Variants in ITM2C observed in about 807,000 individuals in gnomAD.
The protein encoded by ITM2C is integral membrane protein 2C.
A neutral mutation model predicts 30.0 loss-of-function variants in ITM2C; 20 were observed. That is an observed-to-expected ratio of 0.67 (90% CI 0.47 to 0.97). The LOEUF (loss-of-function observed/expected upper bound fraction) is 0.97, where lower values mean the gene tolerates loss of function less well. Ranked by LOEUF, ITM2C falls within the 50% of genes least tolerant of loss-of-function variation. The pLI, the probability that ITM2C is intolerant of heterozygous loss-of-function variation, is 0.00. For missense variants in ITM2C, 366 were observed against 371.9 expected (o/e 0.98, Z 0.13); for synonymous variants, 167 against 156.4 (o/e 1.07, Z -0.51).
chr2:230,873,451 G>C lies in ITM2C; in HGVS notation c.155G>C (p.Gly52Ala). 1 of 1,606,938 alleles carries C rather than the reference G, an allele frequency of 6.2e-7. No individual in the cohort carries two copies. The highest frequency in any genetic ancestry group is 8.5e-7 in the Non-Finnish European group (1 of 1,176,788). ...EQPPQHRSKR[G>A]GSVGGVCYLS... ...CCCCCACAACATCGATCCAAGAGGGGGGGCTCAGTGGGCGGCGTGTGCTAC... is the reference window on the plus strand; with the variant it reads ...CCCCCACAACATCGATCCAAGAGGGCGGGCTCAGTGGGCGGCGTGTGCTAC... The change falls in exon 2 of 6, where the codon GGG becomes GCG. Residue 52 changes from glycine (G) to alanine (A), a missense_variant. Physicochemically the swap from Gly to Ala is moderately conservative, Grantham distance 60. Coordinates refer to ENST00000326427, the MANE Select transcript of ITM2C (RefSeq NM_030926.6).
Position 230,875,606 on chromosome 2 carries a change from T to C in ITM2C, c.262-14T>C. ...GCCTCTCTGACTGTCTGTCTGTCTC[T>C]CCGCCTTGCTCAGCTGGCCCGAGAT... On this transcript the variant is annotated splice_polypyrimidine_tract_variant and intron_variant, in intron 2 of 5. Transcript: ENST00000326427. The C allele has an allele frequency of 2.5e-6, 4 of 1,585,094 alleles. No homozygotes were observed. The highest frequency in any genetic ancestry group is 1.3e-5 in the African/African-American group (1 of 74,614).
chr2:230,877,670 CA>C lies in ITM2C; in HGVS notation c.712+121del. ...CAGCAGCAATAACAGCTAGCATTAG[CA>C]GAGCACTTCCGTGTGCCGGGCAATG... On this transcript the variant is annotated intron_variant, in intron 5 of 5. Coordinates refer to ENST00000326427, the MANE Select transcript of ITM2C (RefSeq NM_030926.6). The surrounding 1 kb of genome is among the most constrained non-coding windows in gnomAD (Gnocchi z 4.8). 1 of 1,065,606 alleles carries C rather than the reference CA, an allele frequency of 9.4e-7. No individual in the cohort carries two copies. The highest frequency in any genetic ancestry group is 2.1e-5 in the Admixed American group (1 of 47,314). 66.0% of individuals were successfully genotyped at this position (1,065,606 alleles called of 1,614,324 possible).
intron 1 of ITM2C, among the ~76,000 whole-genome samples, chr2:230,871,307 C>G (rs920332373): frequency 1.3e-5 from 2 of 152,278 alleles, no homozygotes; most frequent in African/African-American, 4.8e-5. Flanking sequence ...AAGACCTGCT[C>G]AGGAGCGCCA....
upstream of ITM2C, chr2:230,864,915 G>T: frequency 1.6e-6 from 2 of 1,229,774 alleles, no homozygotes; most frequent in Non-Finnish European, 2.1e-6. The surrounding 1 kb of genome is among the most constrained non-coding windows in gnomAD (Gnocchi z 4.3). Context: ...TAGAGAGAGG[G>T]ACGCGAGCGG....
intron 1 of ITM2C, among the ~76,000 whole-genome samples, chr2:230,866,062 T>G (rs537007614): frequency 6.6e-6 from 1 of 152,118 alleles, no homozygotes; most frequent in South Asian, 2.1e-4. Flanking sequence ...CTGAGCTGCG[T>G]GCCTTGTGTC....
At position 230,877,027 on chromosome 2, in the gene ITM2C, A is replaced by G. The variant is rs1697320017; in HGVS notation, c.561+60A>G. 7 of 1,179,772 alleles carry G rather than the reference A, an allele frequency of 5.9e-6. No individual in the cohort carries two copies. Among genetic ancestry groups the G allele is most frequent in the South Asian group, 4.9e-5 (4 of 81,284 alleles). 73.1% of individuals were successfully genotyped at this position (1,179,772 alleles called of 1,614,324 possible). ...CTGTCCCTCCCTTGCCCCCTGTCTC[A>G]TGGAGGCTAGGTCTGAGGTACAGGA... On this transcript the variant is annotated intron_variant, in intron 4 of 5. Transcript: ENST00000326427. This position sits in a 1 kb window ranked among gnomAD's most constrained non-coding sequence, Gnocchi z 4.8.
chr2:230,878,008 G>A lies in ITM2C; in HGVS notation c.713G>A (p.Arg238Gln), dbSNP rs761531955. 33 of 1,612,446 alleles carry A rather than the reference G, an allele frequency of 2.0e-5. No homozygotes were observed. The highest frequency in any genetic ancestry group is 5.3e-5 in the African/African-American group (4 of 74,894). Residue 238 changes from arginine to glutamine, a missense_variant and splice_region_variant, in exon 6 of 6, where the codon CGG becomes CAG. Coordinates refer to ENST00000326427, the MANE Select transcript of ITM2C (RefSeq NM_030926.6). This position sits in a 1 kb window ranked among gnomAD's most constrained non-coding sequence, Gnocchi z 4.5. ...CTGGGGTTTTTCTTTTTCCTCCCAG[G>A]GATCAACAAGCGTGGGGCCAAGAAC... is the stretch of plus-strand genomic sequence containing the variant. The part of the protein sequence containing the change: ...YRLRRRATRR[R>Q]INKRGAKNCN...
rs564628080 is a variant in ITM2C, at chr2:230,875,825, C to G, written c.450+17C>G. 24 of 1,331,526 alleles carry G rather than the reference C, an allele frequency of 1.8e-5. No individual in the cohort carries two copies. In the South Asian group the frequency reaches 3.9e-4, roughly 22 times the overall value. The allele number at this position is 1,331,526 out of a possible 1,614,324, so 82.5% of individuals were successfully genotyped here. A position where few individuals can be genotyped will look rare whatever the true frequency, so the allele number is the denominator to read the frequency against. ...TTCCAGCGGGTGAGGCTGGCCAGGG[C>G]CTGGGGGTGGGGGGTGGGAGGGTGT... On this transcript the variant is annotated intron_variant, in intron 3 of 5. Transcript: ENST00000326427.
Position 230,865,155 on chromosome 2 carries a change from T to C in ITM2C, c.120+10T>C, listed in dbSNP as rs1696994915. On this transcript the variant is annotated intron_variant, in intron 1 of 5. Coordinates refer to ENST00000326427, the MANE Select transcript of ITM2C (RefSeq NM_030926.6). This position sits in a 1 kb window ranked among gnomAD's most constrained non-coding sequence, Gnocchi z 6.8. Reference sequence around the variant, plus strand: ...GCTGACGCCGGCTAGGGTGAGAGGGTCTGGGGCTCAGGCGGTGGGGCGGGG... The same window carrying C: ...GCTGACGCCGGCTAGGGTGAGAGGGCCTGGGGCTCAGGCGGTGGGGCGGGG... The C allele has an allele frequency of 7.0e-7, 1 of 1,432,130 alleles. No individual in the cohort carries two copies. The highest frequency in any genetic ancestry group is 2.9e-5 in the East Asian group (1 of 34,428). The allele number at this position is 1,432,130 out of a possible 1,614,324, so 88.7% of individuals were successfully genotyped here.
intron 1 of ITM2C, among the ~76,000 whole-genome samples, chr2:230,868,539 G>C (rs1697088669): frequency 6.6e-6 from 1 of 152,308 alleles, no homozygotes; most frequent in East Asian, 1.9e-4. Flanking sequence ...ACGAGCTGGG[G>C]CTGTAAGGGG....
Position 230,865,941 on chromosome 2 carries a change from C to T in ITM2C, c.120+796C>T, listed in dbSNP as rs754906191. ...CCAGTGCCCTTGCATCCTGGGTCCC[C>T]GGGCTCTGTGCGCGTTCCCCCACCC... On this transcript the variant is annotated intron_variant, in intron 1 of 5. Coordinates refer to ENST00000326427, the MANE Select transcript of ITM2C (RefSeq NM_030926.6). The surrounding 1 kb of genome is among the most constrained non-coding windows in gnomAD (Gnocchi z 6.8). 4.8e-5 allele frequency among the ~76,000 whole-genome samples: 7 copies of T among 146,390 alleles called. No homozygotes were observed. The highest frequency in any genetic ancestry group is 1.1e-4 in the Non-Finnish European group (7 of 66,634).
At chr2:230,874,621 C>T (rs11691735) in intron 2 of ITM2C, among the ~76,000 whole-genome samples, 15 of 152,234 alleles carry the variant, frequency 9.9e-5, no homozygotes, top group East Asian at 3.8e-4. Context: ...GATGCAGCCC[C>T]GGAGCCTCAC....
At chr2:230,875,523 T>A (rs1697269282) in intron 2 of ITM2C, 97 bp from the exon 3 acceptor site, 3 of 1,063,080 alleles carry the variant, frequency 2.8e-6, no homozygotes, top group Non-Finnish European at 4.1e-6. Flanking sequence ...CGCAGGCTTT[T>A]GGGGCATGTA....
intron 2 of ITM2C, among the ~76,000 whole-genome samples, chr2:230,875,314 A>G (rs917814795): frequency 6.6e-6 from 1 of 152,102 alleles, no homozygotes; most frequent in Non-Finnish European, 1.5e-5. Context: ...CTGATGGGGA[A>G]ACTGAGGCCC....
chr2:230,872,838 C>A (rs978524313), intron 1 of ITM2C, among the ~76,000 whole-genome samples: 1 of 152,130 alleles, frequency 6.6e-6, no homozygotes, highest in East Asian at 1.9e-4. Flanking sequence ...AGTTGAGCAG[C>A]CTTTACACAG....
Position 230,878,036 on chromosome 2 carries a change from C to T in ITM2C, c.741C>T (p.Cys247=). The change falls in exon 6 of 6, where the codon TGC becomes TGT. Residue 247 remains cysteine (C), a synonymous_variant. Coordinates refer to ENST00000326427, the MANE Select transcript of ITM2C (RefSeq NM_030926.6). The surrounding 1 kb of genome is among the most constrained non-coding windows in gnomAD (Gnocchi z 4.5). ...RRINKRGAKN[C]NAIRHFENTF... ...TCAACAAGCGTGGGGCCAAGAACTG[C>T]AATGCCATCCGCCACTTCGAGAACA... 6.2e-7 allele frequency: 1 copy of T among 1,611,276 alleles called. No homozygotes were observed. Among genetic ancestry groups the T allele is most frequent in the Non-Finnish European group, 8.5e-7 (1 of 1,178,538 alleles).
chr2:230,868,716 G>A (rs1697092599), intron 1 of ITM2C, among the ~76,000 whole-genome samples: 1 of 152,196 alleles, frequency 6.6e-6, no homozygotes, highest in African/African-American at 2.4e-5. Context: ...GGAGGAGCTG[G>A]GTCTCCTGGA....
At chr2:230,876,684 T>C (rs1393613378) in intron 3 of ITM2C, among the ~76,000 whole-genome samples, 173 bp from the exon 4 acceptor site, 4 of 152,038 alleles carry the variant, frequency 2.6e-5, no homozygotes, top group Admixed American at 6.5e-5. Context: ...GGTTTCACCA[T>C]GTTAGTCAGG....
intron 2 of ITM2C, 124 bp downstream of exon 2, chr2:230,873,681 G>T (rs756738477): frequency 1.4e-5 from 13 of 922,878 alleles, no homozygotes; most frequent in Non-Finnish European, 1.8e-5. Flanking sequence ...GGGAGCGAGT[G>T]CCCGGCCAGC....
Sources: gnomAD v4.1 joint callset for allele counts (sites outside exome capture counted in the v4.1 genomes callset) on GRCh38, gnomAD v4.1.1 for gene constraint, Gnocchi (gnomAD v3.1) non-coding constraint, MANE v1.5 for transcripts, NCBI Gene and HGNC (gene_info 2026-07-23, HGNC 2026-07-21) for gene names.